Variants in NWD1 observed in about 807,000 individuals in gnomAD.
NWD1 encodes NACHT and WD repeat domain containing 1, also known as NACHT domain- and WD repeat-containing protein 1.
A neutral mutation model predicts 135.1 loss-of-function variants in NWD1; 129 were observed. The observed-to-expected ratio is 0.96, with a 90% confidence interval of 0.83 to 1.11. The LOEUF (loss-of-function observed/expected upper bound fraction) is 1.11, where lower values mean the gene tolerates loss of function less well. Among genes scored for constraint, NWD1 ranks in the 50% least tolerant of loss-of-function variants. The pLI is 0.00. For missense variants in NWD1, 1,740 were observed against 1,851.3 expected (o/e 0.94, Z 1.10); for synonymous variants, 773 against 786.0 (o/e 0.98, Z 0.28).
chr19:16,799,831 A>T lies in NWD1; in HGVS notation c.3460-55A>T, dbSNP rs533224464. 298 of 1,508,464 alleles carry T rather than the reference A, an allele frequency of 2.0e-4. No individual in the cohort carries two copies. The African/African-American group carries it at 3.8e-3, about 19-fold the overall frequency. The allele number at this position is 1,508,464 out of a possible 1,614,324, so 93.4% of individuals were successfully genotyped here. A position where few individuals can be genotyped will look rare whatever the true frequency, so the allele number is the denominator to read the frequency against. ...CCCAATGGGCTGAAGCGTATTTCTG[A>T]ACTATAGTTGTCCACAGAAGATGTC... On this transcript the variant is annotated intron_variant, in intron 16 of 18. Transcript: ENST00000524140.
At chr19:16,752,801 A>G (rs1272530407) in intron 6 of NWD1, among the ~76,000 whole-genome samples, 2 of 152,150 alleles carry the variant, frequency 1.3e-5, no homozygotes, top group Non-Finnish European at 1.5e-5. Context: ...GTTCAAGACC[A>G]GCCTGGGCAA....
intron 15 of NWD1, among the ~76,000 whole-genome samples, chr19:16,794,792 T>C (rs1331592734): frequency 6.6e-6 from 1 of 151,644 alleles, no homozygotes; most frequent in Non-Finnish European, 1.5e-5. Context: ...TTATTTTTCT[T>C]TTTTTTTTAA....
chr19:16,774,897 A>G (rs1969545497), intron 11 of NWD1, among the ~76,000 whole-genome samples: 2 of 151,728 alleles, frequency 1.3e-5, no homozygotes. Flanking sequence ...CAACTTTCTC[A>G]CTTCAATTTC....
At chr19:16,789,954 G>C (rs1179371292) in intron 13 of NWD1, among the ~76,000 whole-genome samples, 1 of 152,116 alleles carries the variant, frequency 6.6e-6, no homozygotes, top group African/African-American at 2.4e-5. Flanking sequence ...TTGACCTCAG[G>C]TGATCCACCT....
intron 3 of NWD1, among the ~76,000 whole-genome samples, chr19:16,734,670 A>G (rs1326957902): frequency 2.0e-5 from 3 of 151,452 alleles, no homozygotes; most frequent in African/African-American, 7.3e-5. Flanking sequence ...TTCTGGGCTC[A>G]GGTGATCCTC....
intron 6 of NWD1, among the ~76,000 whole-genome samples, 155 bp downstream of exon 6, chr19:16,750,566 C>T (rs1213204458): frequency 1.3e-5 from 2 of 152,206 alleles, no homozygotes; most frequent in East Asian, 1.9e-4. Flanking sequence ...GTGATCCTCA[C>T]GCCTCACCTG....
At chr19:16,744,769 G>T in intron 5 of NWD1, 51 bp downstream of exon 5, 1 of 1,447,556 alleles carries the variant, frequency 6.9e-7, no homozygotes, top group African/African-American at 1.4e-5. Context: ...CTGACCACGT[G>T]TTCAGAATAT....
chr19:16,812,903 G>T, intron 18 of NWD1: 1 of 779,762 alleles, frequency 1.3e-6, no homozygotes. Flanking sequence ...GAGAGAAAAG[G>T]CTCTGACCTG....
intron 4 of NWD1, among the ~76,000 whole-genome samples, chr19:16,740,787 G>C (rs1968047712): frequency 6.6e-6 from 1 of 151,798 alleles, no homozygotes; most frequent in Admixed American, 6.6e-5. Flanking sequence ...AACTCTTTTG[G>C]ATTCCGGTTT....
At chr19:16,779,977 C>T (rs1471301707) in intron 12 of NWD1, among the ~76,000 whole-genome samples, 3 of 151,968 alleles carry the variant, frequency 2.0e-5, no homozygotes, top group East Asian at 1.9e-4. Context: ...GCAGGCTGGA[C>T]GCAGCTGGGC....
chr19:16,734,364 C>CGAGGTCA (rs1967704254), intron 3 of NWD1, among the ~76,000 whole-genome samples: 1 of 151,842 alleles, frequency 6.6e-6, no homozygotes, highest in African/African-American at 2.4e-5. Context: ...CTGGCTAACA[C>CGAGGTCA]GGTGAAACCC....
rs1437122573 is a variant in NWD1 at position 16,797,861 on chromosome 19, C to T, written c.3434C>T (p.Thr1145Met). The T allele has an allele frequency of 6.2e-6, 10 of 1,613,742 alleles. No homozygotes were observed. The highest frequency in any genetic ancestry group is 2.2e-5 in the East Asian group (1 of 44,888). Residue 1145 changes from threonine to methionine, a missense_variant, in exon 16 of 19, where the codon ACG (threonine) becomes ATG (methionine). Coordinates refer to ENST00000524140, the MANE Select transcript of NWD1 (RefSeq NM_001007525.5). ...VFGTENNLII[T>M]GSLDALIQVW... ...GGTACTGAGAACAACCTGATCATCA[C>T]GGGGTCCCTTGATGCGCTCATTCAG...
Position 16,816,006 on chromosome 19 carries a change from C to A in NWD1, c.*967C>A, listed in dbSNP as rs75092269. 225 of 152,342 alleles carry A rather than the reference C, an allele frequency of 1.5e-3. No individual in the cohort carries two copies. Among genetic ancestry groups the A allele is most frequent in the Non-Finnish European group, 2.5e-3 (168 of 68,088 alleles). The allele number at this position is 152,342 out of a possible 1,614,324, so 9.4% of individuals were successfully genotyped here. A position where few individuals can be genotyped will look rare whatever the true frequency, so the allele number is the denominator to read the frequency against. ...AAGGTGCAAGAGCTCTGAGAGTGAG[C>A]CTTCTGTCCCATTCCTGTTAGACCT... On this transcript the variant is annotated 3_prime_UTR_variant, in exon 19 of 19. Coordinates refer to ENST00000524140, the MANE Select transcript of NWD1 (RefSeq NM_001007525.5).
chr19:16,759,489 A>C (rs1487924077), intron 7 of NWD1, 61 bp downstream of exon 7: 2 of 1,282,900 alleles, frequency 1.6e-6, no homozygotes, highest in Non-Finnish European at 2.2e-6. Context: ...ATGAGGACTC[A>C]CTGGCCGGGG....
Position 16,798,145 on chromosome 19 carries a change from TGGA to T in NWD1, c.3459+261_3459+263del, listed in dbSNP as rs367891564. On this transcript the variant is annotated intron_variant, in intron 16 of 18. Transcript: ENST00000524140. ...TGGGGGCAGATTTGTGCCTTCAGAG[TGGA>T]GCAGGGTTGTGGGGGAGGAAAATTC... 4.6e-3 allele frequency among the ~76,000 whole-genome samples: 699 copies of T among 152,000 alleles called. 4 individuals carry two copies. The highest frequency in any genetic ancestry group is 0.024 in the Middle Eastern group (7 of 294).
rs750682081 is a variant in NWD1, at chr19:16,736,752, T to C, written c.198+2T>C. 65 of 1,503,166 alleles carry C rather than the reference T, an allele frequency of 4.3e-5. 1 individual carries two copies. In the African/African-American group the frequency reaches 6.6e-4, roughly 15 times the overall value. The allele number at this position is 1,503,166 out of a possible 1,614,324, so 93.1% of individuals were successfully genotyped here. The stretch of plus-strand genomic sequence containing the variant: ...ACATCCATAGGGCCAGCTTTTGTTG[T>C]GAGTGTCTTGGGAGGAATGGGTTAG... On this transcript the variant is annotated splice_donor_variant, in intron 4 of 18. Coordinates refer to ENST00000524140, the MANE Select transcript of NWD1 (RefSeq NM_001007525.5). LOFTEE classifies it high-confidence loss of function.
chr19:16,768,012 G>A (rs1206228056), intron 10 of NWD1, among the ~76,000 whole-genome samples: 7 of 92,830 alleles, frequency 7.5e-5, no homozygotes, highest in Admixed American at 1.7e-4. Flanking sequence ...TTTTTTGCAC[G>A]ACAGAGTCTC....
At chr19:16,720,877 G>T (rs1967109646) in intron 1 of NWD1, among the ~76,000 whole-genome samples, 1 of 151,836 alleles carries the variant, frequency 6.6e-6, no homozygotes, top group Non-Finnish European at 1.5e-5. Context: ...TTGAGATGGA[G>T]CCTTGCTCTG....
In NWD1 at chr19:16,749,312, CT is replaced by C. The variant is rs762108204; in HGVS notation, c.671del (p.Leu224ProfsTer28). The C allele has an allele frequency of 1.2e-6, 2 of 1,613,882 alleles. No individual in the cohort carries two copies. Among genetic ancestry groups the C allele is most frequent in the African/African-American group, 2.7e-5 (2 of 74,918 alleles). ...CCTGGACGCTGATGCCCAGAACCTT[CT>C]CAGCAGCCTCAAAAGTCACATCACT... ...GCLDADAQNL[L>X]SSLKSHITDM... is the part of the protein sequence containing the mutation. On this transcript the variant is annotated frameshift_variant, in exon 6 of 19. Transcript: ENST00000524140. LOFTEE classifies it high-confidence loss of function.
Sources: allele counts gnomAD v4.1 joint callset (sites outside exome capture counted in the v4.1 genomes callset), GRCh38; gene constraint gnomAD v4.1.1; transcripts MANE v1.5; gene names NCBI Gene and HGNC (gene_info 2026-07-23, HGNC 2026-07-21).